Variants in SDK2 observed in about 807,000 individuals in gnomAD.
The protein encoded by SDK2 is sidekick cell adhesion molecule 2.
Under a neutral mutation model 253.9 loss-of-function variants are expected in SDK2, and 105 were observed. The ratio of observed to expected loss-of-function variants is 0.41; its 90% CI spans 0.35 to 0.49. SDK2 has a LOEUF of 0.49. SDK2 is among the 20% of genes least tolerant of loss of function. The pLI is 0.06. For missense variants in SDK2, 2,608 were observed against 3,003.0 expected, an observed-to-expected ratio of 0.87 and a Z score of 3.07; for synonymous variants, 1,249 against 1,234.9, an observed-to-expected ratio of 1.01 and a Z score of -0.24.
chr17:73,443,366 T>C lies in SDK2; in HGVS notation c.614-2443A>G, dbSNP rs1451473404. Among the ~76,000 whole-genome samples, 1 of 152,246 alleles carries C rather than the reference T, an allele frequency of 6.6e-6. No homozygotes were observed. The highest frequency in any genetic ancestry group is 1.5e-5 in the Non-Finnish European group (1 of 68,050). On this transcript the variant is annotated intron_variant, in intron 5 of 44. Coordinates refer to ENST00000392650, the MANE Select transcript of SDK2 (RefSeq NM_001144952.2). This position sits in a 1 kb window ranked among gnomAD's most constrained non-coding sequence, Gnocchi z 4.6. ...GTAGGTGCCATAACGAGCGATCGGA[T>C]TGAAAGCTGCTGATATAGCTGAATC... is the stretch of plus-strand genomic sequence containing the variant.
Position 73,336,850 on chromosome 17 carries a change from C to T in SDK2, c.*1737G>A, listed in dbSNP as rs2062383039. On this transcript the variant is annotated 3_prime_UTR_variant, in exon 45 of 45. Coordinates refer to ENST00000392650, the MANE Select transcript of SDK2 (RefSeq NM_001144952.2). ...AGACAGGCCCCTGTGGGCCATCTGC[C>T]ACCCATCTCAGCGGTGGGGCAGGTG... 6.7e-6 allele frequency: 1 copy of T among 150,014 alleles called. No individual in the cohort carries two copies. Among genetic ancestry groups the T allele is most frequent in the Admixed American group, 6.6e-5 (1 of 15,124 alleles). 9.3% of individuals were successfully genotyped at this position (150,014 alleles called of 1,614,324 possible).
At chr17:73,437,180 G>A (rs191253823) in intron 8 of SDK2, among the ~76,000 whole-genome samples, 196 of 152,208 alleles carry the variant, frequency 1.3e-3, no homozygotes, top group Admixed American at 3.0e-3. Context: ...CACTGTGCAC[G>A]CTCTTCTCTC....
chr17:73,488,320 T>C (rs943083804), intron 2 of SDK2, among the ~76,000 whole-genome samples: 3 of 152,222 alleles, frequency 2.0e-5, no homozygotes, highest in Non-Finnish European at 2.9e-5. Context: ...CCGGCCAAGA[T>C]GGCTGTCTTA....
intron 10 of SDK2, among the ~76,000 whole-genome samples, chr17:73,433,018 G>C (rs564505282): frequency 6.6e-5 from 10 of 152,230 alleles, no homozygotes; most frequent in Admixed American, 6.5e-4. Flanking sequence ...GCCTGGGGTA[G>C]GAGACTGGCA....
chr17:73,636,318 A>G (rs749509491), intron 1 of SDK2, among the ~76,000 whole-genome samples: 183 of 152,216 alleles, frequency 1.2e-3, no homozygotes, highest in Non-Finnish European at 2.1e-3. Context: ...ATGTCTGACA[A>G]GCAGAACTGT....
Position 73,497,398 on chromosome 17 carries a change from C to T in SDK2, c.224+10040G>A, listed in dbSNP as rs571343882. ...GACCACAGAGCCCTTTCCTCTGATG[C>T]TATGTTCATTCTCTCATCCTGCCAT... is the stretch of plus-strand genomic sequence containing the variant. On this transcript the variant is annotated intron_variant, in intron 2 of 44. Coordinates refer to ENST00000392650, the MANE Select transcript of SDK2 (RefSeq NM_001144952.2). Among the ~76,000 whole-genome samples the T allele has an allele frequency of 4.2e-4, 64 of 152,296 alleles. 2 individuals are homozygous for T. In the South Asian group the frequency reaches 0.012, roughly 30 times the overall value.
In SDK2 at chr17:73,447,541, A is replaced by T. The variant is rs1369264023; in HGVS notation, c.613+74T>A. ...CCTCCTCTGCCACTCCATCTTCCCA[A>T]TGATCCCCTGGAGCACCATTGCTAA... On this transcript the variant is annotated intron_variant, in intron 5 of 44. Transcript: ENST00000392650. The surrounding 1 kb of genome is among the most constrained non-coding windows in gnomAD (Gnocchi z 4.0). 19 of 1,531,488 alleles carry T rather than the reference A, an allele frequency of 1.2e-5. No individual in the cohort carries two copies. The South Asian group carries it at 2.2e-4, about 18-fold the overall frequency. The allele number at this position is 1,531,488 out of a possible 1,614,324, so 94.9% of individuals were successfully genotyped here.
intron 36 of SDK2, among the ~76,000 whole-genome samples, chr17:73,378,501 C>A (rs1025932424): frequency 6.6e-6 from 1 of 151,752 alleles, no homozygotes; most frequent in African/African-American, 2.4e-5. Context: ...CTCACTGCAA[C>A]CTCTGCCTCC....
chr17:73,583,303 T>C (rs572255911), intron 1 of SDK2, among the ~76,000 whole-genome samples: 1 of 152,352 alleles, frequency 6.6e-6, no homozygotes, highest in South Asian at 2.1e-4. Flanking sequence ...TATCCATGGA[T>C]GAAGGCATGA....
chr17:73,397,887 T>G, intron 24 of SDK2, 148 bp downstream of exon 24: 1 of 898,168 alleles, frequency 1.1e-6, no homozygotes, highest in Non-Finnish European at 1.6e-6. Flanking sequence ...CATTTGTTCG[T>G]TGGGCTAAGA....
chr17:73,582,956 C>T lies in SDK2; in HGVS notation c.64+61069G>A, dbSNP rs185815407. Among the ~76,000 whole-genome samples the T allele has an allele frequency of 4.4e-3, 665 of 152,324 alleles. 4 individuals carry two copies. The highest frequency in any genetic ancestry group is 5.7e-3 in the Non-Finnish European group (390 of 68,032). ...GCTAGCTTCCTTTACAACCCTCTAACGTGGCAAGTGCCCTCCTGCCTGCCC... is the reference window on the plus strand; with the variant it reads ...GCTAGCTTCCTTTACAACCCTCTAATGTGGCAAGTGCCCTCCTGCCTGCCC... On this transcript the variant is annotated intron_variant, in intron 1 of 44. Coordinates refer to ENST00000392650, the MANE Select transcript of SDK2 (RefSeq NM_001144952.2).
intron 1 of SDK2, among the ~76,000 whole-genome samples, chr17:73,563,339 G>T (rs763086230): frequency 1.3e-5 from 2 of 152,170 alleles, no homozygotes; most frequent in Non-Finnish European, 2.9e-5. Flanking sequence ...TTTGGGAGGC[G>T]GGGGCAGGAG....
rs190589448 is a variant in SDK2 at position 73,640,339 on chromosome 17, C to G, written c.64+3686G>C. Among the ~76,000 whole-genome samples the G allele has an allele frequency of 3.2e-3, 480 of 152,138 alleles. 3 individuals carry two copies. The highest frequency in any genetic ancestry group is 0.011 in the African/African-American group (451 of 41,474). ...CGGGATGTAGCCTCTGGGTGGGGGT[C>G]CTGACTCTGTTCCTCCCAGGCAGGG... On this transcript the variant is annotated intron_variant, in intron 1 of 44. Coordinates refer to ENST00000392650, the MANE Select transcript of SDK2 (RefSeq NM_001144952.2).
chr17:73,581,894 C>T (rs2045539794), intron 1 of SDK2, among the ~76,000 whole-genome samples: 1 of 152,216 alleles, frequency 6.6e-6, no homozygotes, highest in Admixed American at 6.5e-5. Flanking sequence ...TTAGGAGGGA[C>T]TCACAGCCCA....
At chr17:73,587,700 C>A (rs1012658194) in intron 1 of SDK2, among the ~76,000 whole-genome samples, 2 of 152,194 alleles carry the variant, frequency 1.3e-5, no homozygotes, top group African/African-American at 4.8e-5. Context: ...TGAGACCCAG[C>A]GCTCTGGCAA....
chr17:73,590,126 G>A (rs955503504), intron 1 of SDK2, among the ~76,000 whole-genome samples: 5 of 152,344 alleles, frequency 3.3e-5, no homozygotes, highest in East Asian at 1.9e-4. Context: ...ACAGGGAGCC[G>A]ATGAGGGCCT....
chr17:73,438,014 C>T lies in SDK2; in HGVS notation c.866G>A (p.Arg289His), dbSNP rs185450102. 4.2e-5 allele frequency: 65 copies of T among 1,551,480 alleles called. No homozygotes were observed. The Admixed American group carries it at 4.7e-4, about 11-fold the overall frequency. ...AGYYECEAVL[R>H]SSSVPSVVRG... Reference sequence around the variant, plus strand: ...GACAACAGAGGGGACGCTGCTGCTGCGCAGGACAGCCTCACACTCGTAGTA... The same window carrying T: ...GACAACAGAGGGGACGCTGCTGCTGTGCAGGACAGCCTCACACTCGTAGTA... The change falls in exon 7 of 45, where the codon CGC (arginine) becomes CAC (histidine). Residue 289 changes from arginine to histidine, a missense_variant. By Grantham distance (29) the Arg-to-His change is conservative. Transcript: ENST00000392650.
intron 27 of SDK2, 99 bp downstream of exon 27, chr17:73,393,461 T>C (rs2145503366): frequency 1.7e-6 from 2 of 1,150,424 alleles, no homozygotes; most frequent in Non-Finnish European, 2.3e-6. Flanking sequence ...CATGGCTCCC[T>C]GTGGGGCAGA....
chr17:73,343,938 T>C (rs2062461028), intron 44 of SDK2, among the ~76,000 whole-genome samples: 1 of 152,034 alleles, frequency 6.6e-6, no homozygotes, highest in Admixed American at 6.5e-5. Context: ...CAGGAGCCCC[T>C]CCCTCATCCA....
Sources: gnomAD v4.1 joint callset for allele counts (sites outside exome capture counted in the v4.1 genomes callset) on GRCh38, gnomAD v4.1.1 for gene constraint, Gnocchi (gnomAD v3.1) non-coding constraint, MANE v1.5 for transcripts, NCBI Gene and HGNC (gene_info 2026-07-23, HGNC 2026-07-21) for gene names.